Variants in EIF2A observed in about 807,000 individuals in gnomAD.
The protein encoded by EIF2A is 65 kDa eukaryotic translation initiation factor 2A.
Under a neutral mutation model 75.2 loss-of-function variants are expected in EIF2A, and 62 were observed. That is an observed-to-expected ratio of 0.82 (90% CI 0.67 to 1.02). EIF2A has a LOEUF of 1.02. Ranked by LOEUF, EIF2A falls within the 50% of genes least tolerant of loss-of-function variation. The probability of loss-of-function intolerance (pLI) is 0.00; values close to 1 mark genes in which losing one functional copy is unlikely to be tolerated. For synonymous variants in EIF2A, 207 were observed against 239.0 expected (o/e 0.87, Z 1.23); for missense variants, 611 against 677.7 (o/e 0.90, Z 1.09).
At chr3:150,582,037 G>A (rs1305130052) in intron 12 of EIF2A, among the ~76,000 whole-genome samples, 2 of 151,812 alleles carry the variant, frequency 1.3e-5, no homozygotes, top group Non-Finnish European at 2.9e-5. Context: ...GTCTTGCCCT[G>A]TTGCCCAGGC....
At chr3:150,562,431 A>C in intron 3 of EIF2A, 111 bp from the exon 4 acceptor site, 1 of 802,006 alleles carries the variant, frequency 1.2e-6, no homozygotes, top group Non-Finnish European at 1.9e-6. Context: ...AAAAAAAAAA[A>C]AGTCAACATT....
intron 6 of EIF2A, chr3:150,565,855 G>T (rs2107931982): frequency 6.8e-6 from 1 of 146,202 alleles, no homozygotes; most frequent in East Asian, 2.0e-4. Flanking sequence ...GAGTGCAATG[G>T]TGCGATCTCG....
intron 3 of EIF2A, among the ~76,000 whole-genome samples, chr3:150,560,156 CCTT>C (rs1207923868): frequency 6.6e-6 from 1 of 152,148 alleles, no homozygotes; most frequent in Non-Finnish European, 1.5e-5. Context: ...CCACACTTAA[CCTT>C]CTATGGGATT....
chr3:150,566,867 T>C (rs1291296553), intron 6 of EIF2A: 1 of 152,224 alleles, frequency 6.6e-6, no homozygotes, highest in Non-Finnish European at 1.5e-5. Context: ...ATATCATAGT[T>C]AGAATAGGAA....
intron 11 of EIF2A, among the ~76,000 whole-genome samples, chr3:150,579,085 A>G (rs1247697241): frequency 6.6e-6 from 1 of 152,110 alleles, no homozygotes. Flanking sequence ...CTTAATTTTA[A>G]TGGTTTTTCA....
At position 150,581,691 on chromosome 3, in the gene EIF2A, CT is replaced by C; in HGVS notation, c.1572del (p.Gln525SerfsTer9). 6.4e-7 allele frequency: 1 copy of C among 1,553,824 alleles called. No homozygotes were observed. Among genetic ancestry groups the C allele is most frequent in the Non-Finnish European group, 8.7e-7 (1 of 1,148,040 alleles). On this transcript the variant is annotated frameshift_variant, in exon 12 of 14. Coordinates refer to ENST00000460851, the MANE Select transcript of EIF2A (RefSeq NM_032025.5). LOFTEE classifies it high-confidence loss of function. ...APQSTPRNTV[S>X]QSISGDPEID... ...CAGAGCACACCACGAAACACTGTCT[CT>C]CAGTCAATTTCTGGGGACCCTGAGA...
In EIF2A at chr3:150,581,544, C is replaced by A. The variant is rs1176766498; in HGVS notation, c.1498-74C>A. The stretch of plus-strand genomic sequence containing the variant: ...ATATTTAGTTTCTGTATTTCATATG[C>A]CAAAGCTATGTTGATTTAAATACTG... On this transcript the variant is annotated intron_variant, in intron 11 of 13. Coordinates refer to ENST00000460851, the MANE Select transcript of EIF2A (RefSeq NM_032025.5). The A allele has an allele frequency of 8.7e-6, 13 of 1,491,022 alleles. No individual in the cohort carries two copies. The East Asian group carries it at 2.7e-4, about 31-fold the overall frequency. 92.4% of individuals were successfully genotyped at this position (1,491,022 alleles called of 1,614,324 possible).
At chr3:150,576,197 T>C (rs1724854628) in intron 11 of EIF2A, among the ~76,000 whole-genome samples, 1 of 152,152 alleles carries the variant, frequency 6.6e-6, no homozygotes, top group African/African-American at 2.4e-5. Flanking sequence ...ACCCAGCACT[T>C]TGGGAGGCCA....
chr3:150,572,032 C>T lies in EIF2A; in HGVS notation c.886C>T (p.Pro296Ser), dbSNP rs372563492. 2.0e-5 allele frequency: 33 copies of T among 1,613,726 alleles called. No individual in the cohort carries two copies. The highest frequency in any genetic ancestry group is 2.8e-5 in the Non-Finnish European group (33 of 1,179,880). The stretch of plus-strand genomic sequence containing the variant: ...GTTTTGTGCTGTATATGGTTTTATG[C>T]CTGCCAAAGCGACAATTTTCAACTT... ...TEFCAVYGFM[P>S]AKATIFNLKC... The change falls in exon 10 of 14, where the codon CCT (proline) becomes TCT (serine). Residue 296 changes from proline to serine, a missense_variant. Physicochemically the swap from Pro to Ser is moderately conservative, Grantham distance 74. Coordinates refer to ENST00000460851, the MANE Select transcript of EIF2A (RefSeq NM_032025.5).
In EIF2A at chr3:150,585,969, C is replaced by T. The variant is rs1183753781; in HGVS notation, c.*2058C>T. Among the ~76,000 whole-genome samples, 1 of 152,230 alleles carries T rather than the reference C, an allele frequency of 6.6e-6. No individual in the cohort carries two copies. The highest frequency in any genetic ancestry group is 1.5e-5 in the Non-Finnish European group (1 of 68,036). On this transcript the variant is annotated 3_prime_UTR_variant, in exon 14 of 14. Coordinates refer to ENST00000460851, the MANE Select transcript of EIF2A (RefSeq NM_032025.5). ...ATGCTGGTGATATCCTCATCTCAGA[C>T]TTCTAACCTCCAGAACTGTGAGAAA...
intron 9 of EIF2A, among the ~76,000 whole-genome samples, chr3:150,569,107 C>T (rs1332985326): frequency 6.6e-6 from 1 of 152,102 alleles, no homozygotes; most frequent in Non-Finnish European, 1.5e-5. Context: ...GGATGGCTCC[C>T]CTTTTCACTT....
chr3:150,555,497 A>AT (rs1013740305), intron 2 of EIF2A, among the ~76,000 whole-genome samples: 18 of 151,454 alleles, frequency 1.2e-4, no homozygotes, highest in African/African-American at 4.4e-4. Flanking sequence ...ACCTCAGGTG[A>AT]TTCACCCTCC....
At chr3:150,559,926 A>G (rs1341061607) in intron 3 of EIF2A, among the ~76,000 whole-genome samples, 1 of 152,098 alleles carries the variant, frequency 6.6e-6, no homozygotes, top group African/African-American at 2.4e-5. Flanking sequence ...TGTGTAACCT[A>G]TTGTGGGTAC....
intron 1 of EIF2A, among the ~76,000 whole-genome samples, chr3:150,549,202 T>TTTTCTTTC (rs1162783695): frequency 6.9e-6 from 1 of 144,984 alleles, no homozygotes; most frequent in African/African-American, 2.5e-5. Context: ...AGAAATCTGT[T>TTTTCTTTC]TTTCTTTCTT....
Position 150,568,200 on chromosome 3 carries a change from G to A in EIF2A, c.719G>A (p.Ser240Asn). 1 of 1,613,324 alleles carries A rather than the reference G, an allele frequency of 6.2e-7. No individual in the cohort carries two copies. Among genetic ancestry groups the A allele is most frequent in the Non-Finnish European group, 8.5e-7 (1 of 1,179,644 alleles). ...GCTACTGCTGTGTTGGTAATAGCTA[G>A]CACAGATGTTGACAAGACAGGAGCT... is the stretch of plus-strand genomic sequence containing the variant. ...KKATAVLVIA[S>N]TDVDKTGASY... Residue 240 changes from serine to asparagine, a missense_variant, in exon 9 of 14, where the codon AGC (serine) becomes AAC (asparagine). Transcript: ENST00000460851.
chr3:150,568,503 G>A (rs779449615), intron 9 of EIF2A, among the ~76,000 whole-genome samples: 50 of 152,098 alleles, frequency 3.3e-4, no homozygotes, highest in Admixed American at 1.3e-4. Context: ...TTTGAGTTAC[G>A]CCATCGTTTT....
chr3:150,578,615 A>G (rs1453403327), intron 11 of EIF2A, among the ~76,000 whole-genome samples: 1 of 152,164 alleles, frequency 6.6e-6, no homozygotes, highest in Non-Finnish European at 1.5e-5. Flanking sequence ...GTTTTTTACT[A>G]AAGATGATAC....
At position 150,567,923 on chromosome 3, in the gene EIF2A, A is replaced by C. The variant is rs142526216; in HGVS notation, c.571A>C (p.Ser191Arg). 2.5e-6 allele frequency: 4 copies of C among 1,610,154 alleles called. No homozygotes were observed. The African/African-American group carries it at 4.0e-5, about 16-fold the overall frequency. ...TTAGGTGGCTGTCTATGTTCCAGGA[A>C]GTAAAGGTGCACCTTCATTTGTTAG... ...PYKVAVYVPG[S>R]KGAPSFVRLY... is the part of the protein sequence containing the mutation. Residue 191 changes from serine (S) to arginine (R), a missense_variant, in exon 8 of 14, where the codon AGT becomes CGT. Coordinates refer to ENST00000460851, the MANE Select transcript of EIF2A (RefSeq NM_032025.5).
intron 11 of EIF2A, 21 bp from the exon 12 acceptor site, chr3:150,581,597 T>A: frequency 6.5e-7 from 1 of 1,546,704 alleles, no homozygotes; most frequent in Non-Finnish European, 8.7e-7. Context: ...AAAATTGAAT[T>A]TAAAAAAATA....
Sources: gnomAD v4.1 joint callset for allele counts (sites outside exome capture counted in the v4.1 genomes callset) on GRCh38, gnomAD v4.1.1 for gene constraint, MANE v1.5 for transcripts, NCBI Gene and HGNC (gene_info 2026-07-23, HGNC 2026-07-21) for gene names.